Variants in SATL1 observed in about 807,000 individuals in gnomAD.
SATL1 encodes the protein spermidine/spermine N1-acetyl transferase like 1, also known as spermidine/spermine N(1)-acetyltransferase-like protein 1.
A neutral mutation model predicts 51.8 loss-of-function variants in SATL1; 47 were observed. The ratio of observed to expected loss-of-function variants is 0.91; its 90% confidence interval spans 0.72 to 1.16. The LOEUF is 1.16. Among genes scored for constraint, SATL1 ranks in the 50% most tolerant of loss-of-function variants. SATL1 has a pLI of 0.00. For synonymous variants in SATL1, 176 were observed against 182.4 expected (o/e 0.97, Z 0.28); for missense variants, 520 against 526.4 (o/e 0.99, Z 0.12).
intron 2 of SATL1, among the ~76,000 whole-genome samples, chrX:85,145,720 T>C (rs1039310726): frequency 9.0e-6 from 1 of 110,694 alleles, no homozygotes; most frequent in Non-Finnish European, 1.9e-5. Context: ...ATTATAGTAA[T>C]CACCTAACCG....
intron 1 of SATL1, among the ~76,000 whole-genome samples, chrX:85,233,633 A>G (rs1331886014): frequency 8.9e-6 from 1 of 112,415 alleles, no homozygotes; most frequent in Non-Finnish European, 1.9e-5. Flanking sequence ...GAATCCAAAA[A>G]TGTGATGGAC....
chrX:85,108,343 C>T lies in SATL1; in HGVS notation c.626G>A (p.Ser209Asn), dbSNP rs190908833. Residue 209 changes from serine to asparagine, a missense_variant, in exon 3 of 8, where the codon AGC (serine) becomes AAC (asparagine). By Grantham distance (46) the Ser-to-Asn change is conservative. Coordinates refer to ENST00000644105, the MANE Select transcript of SATL1 (RefSeq NM_001367857.2). ...GCCTGGTTGACTCATGTCTGGGTGG[C>T]TTGGGACTTGCTGGCTGATGCCTGG... The part of the protein sequence containing the change: ...QQPGISQQVP[S>N]HPDMSQPGMS... 4.1e-5 allele frequency: 50 copies of T among 1,209,365 alleles called. No individual in the cohort carries two copies. The African/African-American group carries it at 6.0e-4, about 14-fold the overall frequency.
chrX:85,138,001 ATTCT>A (rs948228532), intron 2 of SATL1, among the ~76,000 whole-genome samples: 3 of 111,569 alleles, frequency 2.7e-5, no homozygotes, highest in Admixed American at 1.9e-4. Flanking sequence ...TTTCATTTTG[ATTCT>A]TTCTTAGGGT....
intron 2 of SATL1, among the ~76,000 whole-genome samples, chrX:85,179,274 T>C (rs1927149340): frequency 8.9e-6 from 1 of 111,907 alleles, no homozygotes; most frequent in African/African-American, 3.2e-5. Flanking sequence ...TACTAAACCT[T>C]TTGAGACAAG....
In SATL1 at chrX:85,150,498, C is replaced by A. The variant is rs751446700; in HGVS notation, c.-312-41218G>T. On this transcript the variant is annotated intron_variant, in intron 2 of 7. Coordinates refer to ENST00000644105, the MANE Select transcript of SATL1 (RefSeq NM_001367857.2). ...GCATCATCCTGATACCAAAGCCGGG[C>A]AGAGACACAACCAAAAAAGAGAATT... 1.7e-4 allele frequency among the ~76,000 whole-genome samples: 19 copies of A among 108,942 alleles called. No individual in the cohort carries two copies. The East Asian group carries it at 3.8e-3, about 22-fold the overall frequency. 94.6% of individuals were successfully genotyped at this position (108,942 alleles called of 115,157 possible).
chrX:85,160,501 A>T (rs984100128), intron 2 of SATL1, among the ~76,000 whole-genome samples: 2 of 110,987 alleles, frequency 1.8e-5, no homozygotes, highest in Admixed American at 9.6e-5. Context: ...AACTGACCTG[A>T]TAGAGCTGAA....
intron 1 of SATL1, among the ~76,000 whole-genome samples, chrX:85,226,132 C>A (rs1300422965): frequency 2.7e-5 from 3 of 111,373 alleles, no homozygotes; most frequent in Non-Finnish European, 5.7e-5. Flanking sequence ...GACCCTATTT[C>A]CCACCCTTCC....
chrX:85,108,255 C>G lies in SATL1; in HGVS notation c.714G>C (p.Lys238Asn). The G allele has an allele frequency of 8.3e-7, 1 of 1,211,350 alleles. No homozygotes were observed. The highest frequency in any genetic ancestry group is 1.1e-6 in the Non-Finnish European group (1 of 895,405). Residue 238 changes from lysine (K) to asparagine (N), a missense_variant, in exon 3 of 8, where the codon AAG (lysine) becomes AAC (asparagine). Transcript: ENST00000644105. ...IRQPDTSQSC[K>N]NQTDMSQPDA... is the part of the protein sequence containing the mutation. ...CTGGTTGGCTCATGTCTGTTTGGTT[C>G]TTACATGATTGGCTAGTGTCTGGTT...
chrX:85,183,888 TTCTA>T (rs911489296), intron 2 of SATL1, among the ~76,000 whole-genome samples: 2 of 111,739 alleles, frequency 1.8e-5, no homozygotes, highest in Non-Finnish European at 3.8e-5. Context: ...ATCTTATTCA[TTCTA>T]TCTAAGTATA....
At position 85,092,346 on chromosome X, in the gene SATL1, C is replaced by T. The variant is rs750091686; in HGVS notation, c.*45G>A. ...ACTGCTGTTAGACTCAGGTGACAGTCAAATGTTGGAGGCTGTGTTGGGATG... is the reference window on the plus strand; with the variant it reads ...ACTGCTGTTAGACTCAGGTGACAGTTAAATGTTGGAGGCTGTGTTGGGATG... On this transcript the variant is annotated 3_prime_UTR_variant, in exon 8 of 8. Coordinates refer to ENST00000644105, the MANE Select transcript of SATL1 (RefSeq NM_001367857.2). 8.8e-7 allele frequency: 1 copy of T among 1,131,799 alleles called. No homozygotes were observed. Among genetic ancestry groups the T allele is most frequent in the African/African-American group, 1.8e-5 (1 of 54,588 alleles). 93.3% of individuals were successfully genotyped at this position (1,131,799 alleles called of 1,213,427 possible).
rs149033547 is a variant in SATL1 at position 85,131,617 on chromosome X, G to T, written c.-312-22337C>A. On this transcript the variant is annotated intron_variant, in intron 2 of 7. Coordinates refer to ENST00000644105, the MANE Select transcript of SATL1 (RefSeq NM_001367857.2). The stretch of plus-strand genomic sequence containing the variant: ...CTCTTTATCCAATTTGCCAGTCTGT[G>T]TCTTTTAATTGGAGCATTTAGCCCA... Among the ~76,000 whole-genome samples the T allele has an allele frequency of 9.4e-4, 105 of 111,472 alleles. 1 individual carries two copies. The highest frequency in any genetic ancestry group is 3.2e-3 in the African/African-American group (97 of 30,660).
intron 1 of SATL1, among the ~76,000 whole-genome samples, chrX:85,237,597 A>G (rs1038272703): frequency 6.3e-5 from 7 of 111,693 alleles, no homozygotes; most frequent in African/African-American, 2.3e-4. Context: ...ATAAGACTTC[A>G]AGCTAATAAA....
chrX:85,138,829 A>C (rs1926032820), intron 2 of SATL1, among the ~76,000 whole-genome samples: 2 of 111,587 alleles, frequency 1.8e-5, no homozygotes, highest in Admixed American at 9.6e-5. Context: ...AGGAAATCAG[A>C]GCATATTTAT....
chrX:85,130,876 C>G (rs1489080731), intron 2 of SATL1, among the ~76,000 whole-genome samples: 1 of 111,914 alleles, frequency 8.9e-6, no homozygotes, highest in African/African-American at 3.2e-5. Flanking sequence ...CATAGAACAT[C>G]TTTATTTCTG....
At chrX:85,214,365 G>A (rs754107573) in intron 2 of SATL1, among the ~76,000 whole-genome samples, 4 of 110,983 alleles carry the variant, frequency 3.6e-5, no homozygotes, top group Non-Finnish European at 7.5e-5. Context: ...AGAGGAAGAA[G>A]TCACTTACTA....
chrX:85,186,157 T>C (rs1346322122), intron 2 of SATL1, among the ~76,000 whole-genome samples: 1 of 108,981 alleles, frequency 9.2e-6, no homozygotes, highest in Non-Finnish European at 1.9e-5. Context: ...GGACTCTGCC[T>C]GGTGCCCTTA....
intron 2 of SATL1, among the ~76,000 whole-genome samples, chrX:85,149,340 T>C (rs1263993976): frequency 1.8e-5 from 2 of 110,322 alleles, no homozygotes; most frequent in South Asian, 7.8e-4. Flanking sequence ...CTACAAAGAG[T>C]CTTAGACTCC....
chrX:85,222,041 T>C (rs1335239274), intron 2 of SATL1, among the ~76,000 whole-genome samples: 2 of 111,737 alleles, frequency 1.8e-5, no homozygotes, highest in African/African-American at 3.3e-5. Context: ...CTATTGTAAG[T>C]TCTAGAGTCA....
At chrX:85,125,906 C>G (rs1925615553) in intron 2 of SATL1, among the ~76,000 whole-genome samples, 1 of 110,148 alleles carries the variant, frequency 9.1e-6, no homozygotes, top group Admixed American at 9.8e-5. Context: ...AAAGAATTCC[C>G]TGGCCAGTGA....
Sources: allele counts gnomAD v4.1 joint callset (sites outside exome capture counted in the v4.1 genomes callset), GRCh38; gene constraint gnomAD v4.1.1; transcripts MANE v1.5; gene names NCBI Gene and HGNC (gene_info 2026-07-23, HGNC 2026-07-21).